TRIM33: variants seen among roughly 807,000 people sequenced by gnomAD.
TRIM33 encodes tripartite motif containing 33.
TRIM33 carries 20 observed loss-of-function variants against 125.4 expected under a neutral mutation model. The ratio of observed to expected loss-of-function variants is 0.16; its 90% CI spans 0.11 to 0.23. The LOEUF (loss-of-function observed/expected upper bound fraction) is 0.23, where lower values mean the gene tolerates loss of function less well. Among genes scored for constraint, TRIM33 ranks in the 10% least tolerant of loss-of-function variants. The pLI, the probability that TRIM33 is intolerant of heterozygous loss-of-function variation, is 1.00. For missense variants in TRIM33, 920 were observed against 1,411.4 expected (o/e 0.65, Z 5.58); for synonymous variants, 564 against 513.9 (o/e 1.10, Z -1.32).
At chr1:114,481,698 T>C (rs934291613) in intron 1 of TRIM33, among the ~76,000 whole-genome samples, 4 of 151,484 alleles carry the variant, frequency 2.6e-5, no homozygotes, top group African/African-American at 9.7e-5. Flanking sequence ...TATGTGTGTA[T>C]ATATATATTT....
intron 1 of TRIM33, among the ~76,000 whole-genome samples, chr1:114,500,912 C>CTCTAAGAAGGCT (rs1570678988): frequency 7.6e-5 from 5 of 65,444 alleles, no homozygotes; most frequent in African/African-American, 1.6e-4. Context: ...AATTTGGGGC[C>CTCTAAGAAGGCT]GGGCGCGGTG....
At chr1:114,429,434 A>G (rs1647801708) in intron 6 of TRIM33, among the ~76,000 whole-genome samples, 2 of 151,274 alleles carry the variant, frequency 1.3e-5, no homozygotes, top group Non-Finnish European at 2.9e-5. Context: ...CTTGTGATCC[A>G]CCCACCTCAG....
intron 11 of TRIM33, among the ~76,000 whole-genome samples, chr1:114,410,568 T>C (rs926464911): frequency 3.9e-5 from 6 of 152,154 alleles, no homozygotes; most frequent in Admixed American, 3.3e-4. Flanking sequence ...ATTATGAAAA[T>C]AGCTGACATG....
At chr1:114,474,647 G>T (rs1041819870) in intron 1 of TRIM33, among the ~76,000 whole-genome samples, 3 of 151,040 alleles carry the variant, frequency 2.0e-5, no homozygotes, top group African/African-American at 7.3e-5. Context: ...ACTTTGGGAG[G>T]CCAAGAGGCC....
At chr1:114,447,540 G>C (rs1410701806) in intron 4 of TRIM33, among the ~76,000 whole-genome samples, 2 of 152,162 alleles carry the variant, frequency 1.3e-5, no homozygotes, top group African/African-American at 4.8e-5. Flanking sequence ...CTGTAGGGCA[G>C]ACAAATCTGA....
chr1:114,423,791 T>C (rs139934084), intron 10 of TRIM33, among the ~76,000 whole-genome samples: 1 of 152,112 alleles, frequency 6.6e-6, no homozygotes, highest in Non-Finnish European at 1.5e-5. Flanking sequence ...TCTCCAACTT[T>C]AGTACGCAGA....
At chr1:114,486,546 CAA>C (rs372795084) in intron 1 of TRIM33, among the ~76,000 whole-genome samples, 26 of 65,252 alleles carry the variant, frequency 4.0e-4, no homozygotes, top group Non-Finnish European at 7.1e-4. Flanking sequence ...GACCCTATCT[CAA>C]AAAAAAAAAA....
intron 1 of TRIM33, among the ~76,000 whole-genome samples, chr1:114,481,217 G>C (rs530760332): frequency 1.3e-5 from 2 of 152,016 alleles, no homozygotes; most frequent in African/African-American, 2.4e-5. Flanking sequence ...ATATTACTAA[G>C]TAAAATGAAG....
chr1:114,463,767 C>CTT (rs397977770), intron 2 of TRIM33, among the ~76,000 whole-genome samples: 2,664 of 125,992 alleles, frequency 0.021, 100 homozygotes, highest in African/African-American at 0.052. Context: ...GCAGATTTGA[C>CTT]TTTTTTTTTT....
chr1:114,419,715 T>C (rs577867397), intron 11 of TRIM33, among the ~76,000 whole-genome samples: 2 of 152,294 alleles, frequency 1.3e-5, no homozygotes, highest in Non-Finnish European at 2.9e-5. Flanking sequence ...TAACAGTGCA[T>C]TGTATTCAAA....
intron 1 of TRIM33, among the ~76,000 whole-genome samples, chr1:114,467,376 ATGAG>A (rs1189607858): frequency 6.6e-6 from 1 of 152,220 alleles, no homozygotes; most frequent in Non-Finnish European, 1.5e-5. Flanking sequence ...CAGAAATGTA[ATGAG>A]TAAGTTTTGG....
chr1:114,434,088 G>T (rs1417034236), intron 4 of TRIM33, among the ~76,000 whole-genome samples: 1 of 152,054 alleles, frequency 6.6e-6, no homozygotes, highest in Non-Finnish European at 1.5e-5. Context: ...ATAAAAGGAA[G>T]GGAAATCACC....
intron 1 of TRIM33, among the ~76,000 whole-genome samples, chr1:114,489,846 G>A (rs1323788776): frequency 6.6e-6 from 1 of 152,078 alleles, no homozygotes; most frequent in Non-Finnish European, 1.5e-5. Context: ...GTTAAATTTT[G>A]TTACATGTTA....
intron 4 of TRIM33, among the ~76,000 whole-genome samples, chr1:114,442,288 C>T (rs1214124685): frequency 6.6e-6 from 1 of 152,114 alleles, no homozygotes; most frequent in East Asian, 1.9e-4. Context: ...TATTTGTTGC[C>T]ATAGCTCTGA....
chr1:114,438,598 C>T lies in TRIM33; in HGVS notation c.924-4865G>A, dbSNP rs575575043. 2.6e-5 allele frequency among the ~76,000 whole-genome samples: 4 copies of T among 152,306 alleles called. No homozygotes were observed. In the South Asian group the frequency reaches 6.2e-4, roughly 24 times the overall value. ...TCTTAACATGCATTCTCTCATTTAACCTTTAGAAAAACTTAATGACTTAGA... is the reference window on the plus strand; with the variant it reads ...TCTTAACATGCATTCTCTCATTTAATCTTTAGAAAAACTTAATGACTTAGA... On this transcript the variant is annotated intron_variant, in intron 4 of 19. Transcript: ENST00000358465.
In TRIM33 at chr1:114,511,123, C is replaced by T; in HGVS notation, c.-47G>A. On this transcript the variant is annotated 5_prime_UTR_variant, in exon 1 of 20. Transcript: ENST00000358465. ...GGACCGCCCCGCGCCGCCCGCCGCCCGCGTCGCCGCCGCCGCCGCCCCCAG... is the reference window on the plus strand; with the variant it reads ...GGACCGCCCCGCGCCGCCCGCCGCCTGCGTCGCCGCCGCCGCCGCCCCCAG... 1 of 1,112,846 alleles carries T rather than the reference C, an allele frequency of 9.0e-7. No homozygotes were observed. Among genetic ancestry groups the T allele is most frequent in the Non-Finnish European group, 1.1e-6 (1 of 913,992 alleles). The allele number at this position is 1,112,846 out of a possible 1,614,324, so 68.9% of individuals were successfully genotyped here.
chr1:114,404,129 C>A (rs1229283351), intron 15 of TRIM33, among the ~76,000 whole-genome samples: 1 of 151,924 alleles, frequency 6.6e-6, no homozygotes, highest in Non-Finnish European at 1.5e-5. Context: ...TTGTACTAAC[C>A]AATCTATTTG....
chr1:114,452,066 C>A (rs1649343330), intron 4 of TRIM33, among the ~76,000 whole-genome samples: 1 of 148,216 alleles, frequency 6.7e-6, no homozygotes, highest in African/African-American at 2.6e-5. Context: ...CTGTGAGGAT[C>A]AGAACACTTC....
At chr1:114,433,925 G>A (rs1648122311) in intron 4 of TRIM33, among the ~76,000 whole-genome samples, 192 bp from the exon 5 acceptor site, 1 of 152,090 alleles carries the variant, frequency 6.6e-6, no homozygotes, top group African/African-American at 2.4e-5. Flanking sequence ...GACCCTGAAA[G>A]GCCATTATGA....
Sources: allele counts gnomAD v4.1 joint callset (sites outside exome capture counted in the v4.1 genomes callset), GRCh38; gene constraint gnomAD v4.1.1; transcripts MANE v1.5; gene names NCBI Gene and HGNC (gene_info 2026-07-23, HGNC 2026-07-21).